Variants in MSR1 observed in about 807,000 individuals in gnomAD.
The protein encoded by MSR1 is macrophage scavenger receptor 1.
Under a neutral mutation model 47.2 loss-of-function variants are expected in MSR1, and 53 were observed. That is an observed-to-expected ratio of 1.12 (90% CI 0.90 to 1.41). The LOEUF is 1.41. Among genes scored for constraint, MSR1 ranks in the 40% most tolerant of loss-of-function variants. MSR1 has a pLI of 0.00. For synonymous variants in MSR1, 239 were observed against 185.6 expected, an observed-to-expected ratio of 1.29 and a Z score of -2.34; for missense variants, 786 against 546.9, an observed-to-expected ratio of 1.44 and a Z score of -4.36.
chr8:16,143,183 C>T (rs896116046), intron 8 of MSR1, among the ~76,000 whole-genome samples: 1 of 152,178 alleles, frequency 6.6e-6, no homozygotes, highest in Admixed American at 6.5e-5. Flanking sequence ...CTTAAACTGT[C>T]CAAATTCTTA....
intron 9 of MSR1, among the ~76,000 whole-genome samples, chr8:16,112,177 A>T (rs1053338590): frequency 7.9e-5 from 12 of 152,204 alleles, no homozygotes; most frequent in African/African-American, 2.9e-4. Flanking sequence ...GGAATTTGGT[A>T]TCTCTGTCTT....
intron 8 of MSR1, among the ~76,000 whole-genome samples, chr8:16,122,257 C>T (rs763475678): frequency 1.3e-5 from 2 of 151,932 alleles, no homozygotes; most frequent in Non-Finnish European, 2.9e-5. Context: ...TCCTGAGTGG[C>T]CCAATCATTT....
At chr8:16,137,440 CTCTA>C (rs1033513203) in intron 8 of MSR1, among the ~76,000 whole-genome samples, 44 of 150,178 alleles carry the variant, frequency 2.9e-4, no homozygotes, top group African/African-American at 8.5e-4. Context: ...CTTTCTCTCT[CTCTA>C]TCTATCTCTT....
intron 6 of MSR1, among the ~76,000 whole-genome samples, chr8:16,152,926 T>C (rs1800900828): frequency 6.6e-6 from 1 of 152,082 alleles, no homozygotes; most frequent in Non-Finnish European, 1.5e-5. Context: ...TGAAAAGTGA[T>C]AGGTCATTCT....
chr8:16,168,630 T>C lies in MSR1; in HGVS notation c.458A>G (p.Asn153Ser), dbSNP rs1801388874. 2 of 1,614,168 alleles carry C rather than the reference T, an allele frequency of 1.2e-6. No homozygotes were observed. The highest frequency in any genetic ancestry group is 8.5e-7 in the Non-Finnish European group (1 of 1,180,002). Reference protein sequence around the residue: ...NFSMTTDQRFNDILLQLSTLF... With the variant: ...NFSMTTDQRFSDILLQLSTLF... ...GGTACTTAGCTGCAGAAGAATGTCATTAAATCTTTGATCAGTTGTCATGCT... is the reference window on the plus strand; with the variant it reads ...GGTACTTAGCTGCAGAAGAATGTCACTAAATCTTTGATCAGTTGTCATGCT... Residue 153 changes from asparagine (N) to serine (S), a missense_variant, in exon 4 of 10, where the codon AAT becomes AGT. Transcript: ENST00000262101.
At chr8:16,113,226 G>A (rs1310335783) in intron 9 of MSR1, among the ~76,000 whole-genome samples, 1 of 151,874 alleles carries the variant, frequency 6.6e-6, no homozygotes, top group Non-Finnish European at 1.5e-5. Flanking sequence ...GCGATTACAG[G>A]GGTGAGCCAC....
In MSR1 at chr8:16,189,437, T is replaced by TTA. The variant is rs1335599698; in HGVS notation, c.-5+3159_-5+3160dup. 3.1e-5 allele frequency among the ~76,000 whole-genome samples: 3 copies of TTA among 97,130 alleles called. 1 individual carries two copies. The highest frequency in any genetic ancestry group is 1.4e-4 in the African/African-American group (3 of 21,146). 63.7% of individuals were successfully genotyped at this position (97,130 alleles called of 152,430 possible). A position where few individuals can be genotyped will look rare whatever the true frequency, so the allele number is the denominator to read the frequency against. On this transcript the variant is annotated intron_variant, in intron 1 of 9. Transcript: ENST00000262101. ...TATTTTATATATATAAAATCATATT[T>TTA]TATATATATAAAATCTTATTTTATA... is the stretch of plus-strand genomic sequence containing the variant.
chr8:16,109,179 C>CG lies in MSR1; in HGVS notation c.*905_*906insC, dbSNP rs1445645693. 4 of 138,744 alleles carry CG rather than the reference C, an allele frequency of 2.9e-5. No individual in the cohort carries two copies. The East Asian group carries it at 8.4e-4, about 29-fold the overall frequency. 8.6% of individuals were successfully genotyped at this position (138,744 alleles called of 1,614,324 possible). A position where few individuals can be genotyped will look rare whatever the true frequency, so the allele number is the denominator to read the frequency against. ...GGACTAAAGACGCACCCCCCACCCC[C>CG]CCCCCCGCCCTTTGGTTGTAAATGT... On this transcript the variant is annotated 3_prime_UTR_variant, in exon 10 of 10. Transcript: ENST00000262101.
At chr8:16,118,755 T>C (rs1799933234) in intron 9 of MSR1, among the ~76,000 whole-genome samples, 1 of 152,138 alleles carries the variant, frequency 6.6e-6, no homozygotes, top group Admixed American at 6.5e-5. Context: ...TCTTGTTAAA[T>C]AACTGATGGC....
In MSR1 at chr8:16,164,072, TAA is replaced by T; in HGVS notation, c.808_809del (p.Leu270AsnfsTer10). ...AATGACAAGACATTTTACCTTGAATTAAAGTGATATTTCTCAAGGTCTGAGAA... is the reference window on the plus strand; with the variant it reads ...AATGACAAGACATTTTACCTTGAATTAGTGATATTTCTCAAGGTCTGAGAA... ...EHSQTLRNIT[L>X]IQGPPGPPGE... On this transcript the variant is annotated frameshift_variant, in exon 5 of 10. Coordinates refer to ENST00000262101, the MANE Select transcript of MSR1 (RefSeq NM_138715.3). LOFTEE classifies it high-confidence loss of function. 6.2e-7 allele frequency: 1 copy of T among 1,606,846 alleles called. No individual in the cohort carries two copies. The highest frequency in any genetic ancestry group is 8.5e-7 in the Non-Finnish European group (1 of 1,175,072).
intron 4 of MSR1, among the ~76,000 whole-genome samples, chr8:16,165,959 A>G (rs1471072849): frequency 6.6e-6 from 1 of 152,112 alleles, no homozygotes; most frequent in Non-Finnish European, 1.5e-5. Context: ...AAGGTGAAAT[A>G]GTGAGCATGG....
chr8:16,164,397 T>C, intron 4 of MSR1, 146 bp from the exon 5 acceptor site: 5 of 665,044 alleles, frequency 7.5e-6, no homozygotes, highest in Non-Finnish European at 1.3e-5. Flanking sequence ...GAAAACTGTT[T>C]TGAAAGTAGT....
intron 8 of MSR1, among the ~76,000 whole-genome samples, chr8:16,132,834 T>C (rs1800295630): frequency 6.8e-6 from 1 of 148,096 alleles, no homozygotes; most frequent in Non-Finnish European, 1.5e-5. Context: ...GGAGAGGGCA[T>C]CATTATCTTG....
chr8:16,134,722 G>A (rs144867318), intron 8 of MSR1, among the ~76,000 whole-genome samples: 119 of 152,262 alleles, frequency 7.8e-4, no homozygotes, highest in Middle Eastern at 3.4e-3. Flanking sequence ...AGTCAAGACA[G>A]GCTGAAAGTA....
At chr8:16,112,942 AGT>A (rs1491403671) in intron 9 of MSR1, among the ~76,000 whole-genome samples, 3,068 of 117,700 alleles carry the variant, frequency 0.026, 96 homozygotes, top group East Asian at 0.15. Context: ...ATTTTTTTTA[AGT>A]TTTTTTTTTT....
At chr8:16,110,790 A>T (rs911988542) in intron 9 of MSR1, among the ~76,000 whole-genome samples, 1 of 152,172 alleles carries the variant, frequency 6.6e-6, no homozygotes, top group African/African-American at 2.4e-5. Context: ...CCTACACACC[A>T]TCCTGTAAGG....
At position 16,108,092 on chromosome 8, in the gene MSR1, G is replaced by C. The variant is rs1041563899; in HGVS notation, c.*1993C>G. 3.3e-5 allele frequency: 5 copies of C among 151,274 alleles called. No homozygotes were observed. Among genetic ancestry groups the C allele is most frequent in the Admixed American group, 3.3e-4 (5 of 15,142 alleles). The allele number at this position is 151,274 out of a possible 1,614,324, so 9.4% of individuals were successfully genotyped here. On this transcript the variant is annotated 3_prime_UTR_variant, in exon 10 of 10. Transcript: ENST00000262101. ...CATGCATATACCATACAGCAATATA[G>C]TATTAACAACCCATAGGCACTGATC... is the stretch of plus-strand genomic sequence containing the variant.
intron 9 of MSR1, among the ~76,000 whole-genome samples, chr8:16,113,257 C>T (rs1349623043): frequency 6.6e-6 from 1 of 150,426 alleles, no homozygotes. Flanking sequence ...CTCCTCTTCA[C>T]CTCTTTTTAA....
At chr8:16,122,840 A>ATT (rs1585137942) in intron 8 of MSR1, among the ~76,000 whole-genome samples, 2 of 127,932 alleles carry the variant, frequency 1.6e-5, no homozygotes, top group African/African-American at 5.9e-5. Flanking sequence ...CTCTATTCAA[A>ATT]TTCTTTTTTT....
Sources: gnomAD v4.1 joint callset for allele counts (sites outside exome capture counted in the v4.1 genomes callset) on GRCh38, gnomAD v4.1.1 for gene constraint, MANE v1.5 for transcripts, NCBI Gene and HGNC (gene_info 2026-07-23, HGNC 2026-07-21) for gene names.